The following WNT7B variants were observed in gnomAD, a reference collection of about 807,000 sequenced individuals.
WNT7B encodes Wnt family member 7B.
Under a neutral mutation model 38.2 loss-of-function variants are expected in WNT7B, and 19 were observed. That is an observed-to-expected ratio of 0.50 (90% confidence interval 0.35 to 0.73). WNT7B has a LOEUF of 0.73. WNT7B is among the 30% of genes least tolerant of loss of function. WNT7B has a pLI of 0.01. For missense variants in WNT7B, 423 were observed against 507.9 expected (o/e 0.83, Z 1.61); for synonymous variants, 243 against 209.3 (o/e 1.16, Z -1.39).
At chr22:45,956,904 G>A (rs550496890) in intron 1 of WNT7B, among the ~76,000 whole-genome samples, 31 of 151,980 alleles carry the variant, frequency 2.0e-4, no homozygotes, top group East Asian at 3.9e-4. Flanking sequence ...TCAGGAGATC[G>A]AGACCATCCT....
rs183845019 is a variant in WNT7B at position 45,937,244 on chromosome 22, A to G, written c.299-5875T>C. On this transcript the variant is annotated intron_variant, in intron 2 of 3. Coordinates refer to ENST00000339464, the MANE Select transcript of WNT7B (RefSeq NM_058238.3). ...ATCCAGGACATGAGGTTCTCAAGTG[A>G]CTGAGGTGAGGGCAAAGGTCTGGGG... Among the ~76,000 whole-genome samples, 278 of 152,304 alleles carry G rather than the reference A, an allele frequency of 1.8e-3. 8 individuals carry two copies. Among genetic ancestry groups the G allele is most frequent in the Non-Finnish European group, 2.8e-4 (19 of 68,014 alleles).
chr22:45,928,008 C>T (rs1173870357), intron 3 of WNT7B, among the ~76,000 whole-genome samples: 3 of 152,200 alleles, frequency 2.0e-5, no homozygotes, highest in Non-Finnish European at 4.4e-5. Context: ...CTGAGGAATG[C>T]TGCGAGAGCC....
At chr22:45,932,327 T>C (rs1275883573) in intron 2 of WNT7B, among the ~76,000 whole-genome samples, 1 of 152,152 alleles carries the variant, frequency 6.6e-6, no homozygotes, top group Non-Finnish European at 1.5e-5. Context: ...GTGGTCTTTT[T>C]GGTGGCATTC....
intron 2 of WNT7B, among the ~76,000 whole-genome samples, 180 bp from the exon 3 acceptor site, chr22:45,931,549 G>A (rs2063323719): frequency 1.3e-5 from 2 of 152,208 alleles, no homozygotes; most frequent in African/African-American, 4.8e-5. Flanking sequence ...CCATCTCTCA[G>A]GGCTATGGTA....
In WNT7B at chr22:45,920,733, TGAGGGA is replaced by T. The variant is rs1439133726; in HGVS notation, c.*2117_*2122del. On this transcript the variant is annotated 3_prime_UTR_variant, in exon 4 of 4. Transcript: ENST00000339464. Reference sequence around the variant, plus strand: ...ATGGGGGATGGGATGAGGGATGAGATGAGGGATGGGATGGGATGGGGGATGAGGGAT... The same window carrying T: ...ATGGGGGATGGGATGAGGGATGAGATTGGGATGGGATGGGGGATGAGGGAT... The T allele has an allele frequency of 1.4e-3, 65 of 45,294 alleles. No individual in the cohort carries two copies. Among genetic ancestry groups the T allele is most frequent in the South Asian group, 0.011 (12 of 1,120 alleles). The allele number at this position is 45,294 out of a possible 1,614,324, so 2.8% of individuals were successfully genotyped here.
intron 1 of WNT7B, among the ~76,000 whole-genome samples, chr22:45,969,675 G>T (rs1179430860): frequency 1.3e-5 from 2 of 152,220 alleles, no homozygotes; most frequent in African/African-American, 4.8e-5. Flanking sequence ...GCCCAGGCAT[G>T]CGTCTGGGAT....
chr22:45,973,018 C>T (rs906467390), intron 1 of WNT7B, among the ~76,000 whole-genome samples: 14 of 152,248 alleles, frequency 9.2e-5, no homozygotes, highest in Non-Finnish European at 8.8e-5. Flanking sequence ...CCATGGCTAA[C>T]CAGGCCCAGC....
chr22:45,927,608 G>C (rs1328849304), intron 3 of WNT7B: 2 of 913,032 alleles, frequency 2.2e-6, no homozygotes, highest in South Asian at 1.4e-5. Flanking sequence ...ATAAGAGATG[G>C]AACAGGGCCA....
At chr22:45,953,740 AGAAG>A (rs1395275412) in intron 1 of WNT7B, among the ~76,000 whole-genome samples, 1 of 119,240 alleles carries the variant, frequency 8.4e-6, no homozygotes, top group East Asian at 2.5e-4. Flanking sequence ...AAAAAAAAAA[AGAAG>A]AAGAAGAAGA....
At chr22:45,926,439 T>C (rs1931085557) in intron 3 of WNT7B, 1 of 985,362 alleles carries the variant, frequency 1.0e-6, no homozygotes. Flanking sequence ...GCCAATTCAA[T>C]GTTCTTTCCA....
At chr22:45,932,663 T>A (rs1224587029) in intron 2 of WNT7B, among the ~76,000 whole-genome samples, 5 of 152,210 alleles carry the variant, frequency 3.3e-5, no homozygotes, top group Admixed American at 3.3e-4. Context: ...GCTGAGTCCA[T>A]GTCATTTCTA....
rs889048382 is a variant in WNT7B, at chr22:45,922,452, A to T, written c.*404T>A. On this transcript the variant is annotated 3_prime_UTR_variant, in exon 4 of 4. Transcript: ENST00000339464. ...CTGGTCTGGAGAGGCCAGCCGGCGT[A>T]GCTTTTCTGTGTCCATGCCGCCAGG... 2.6e-5 allele frequency: 5 copies of T among 191,854 alleles called. No individual in the cohort carries two copies. The highest frequency in any genetic ancestry group is 1.2e-4 in the African/African-American group (5 of 42,868). 11.9% of individuals were successfully genotyped at this position (191,854 alleles called of 1,614,324 possible).
intron 2 of WNT7B, among the ~76,000 whole-genome samples, chr22:45,943,706 T>TC (rs1931726219): frequency 6.6e-6 from 1 of 152,194 alleles, no homozygotes; most frequent in Non-Finnish European, 1.5e-5. Flanking sequence ...CCACATGGTC[T>TC]CCTTGGGAGC....
intron 3 of WNT7B, chr22:45,926,336 C>T (rs532972115): frequency 8.3e-5 from 82 of 985,358 alleles, no homozygotes; most frequent in East Asian, 3.4e-4. Flanking sequence ...TGCAGGCTGC[C>T]GCAGGGGCCG....
intron 2 of WNT7B, among the ~76,000 whole-genome samples, chr22:45,940,488 C>T (rs757837605): frequency 1.3e-5 from 2 of 152,230 alleles, no homozygotes; most frequent in East Asian, 1.9e-4. Context: ...GTAACACTCA[C>T]GTTATTGCCA....
chr22:45,927,527 T>C, intron 3 of WNT7B: 1 of 1,527,388 alleles, frequency 6.5e-7, no homozygotes, highest in Non-Finnish European at 8.9e-7. Context: ...ACAGATGTGG[T>C]CAAGGAAACA....
chr22:45,938,248 G>A (rs1332419457), intron 2 of WNT7B, among the ~76,000 whole-genome samples: 2 of 152,148 alleles, frequency 1.3e-5, no homozygotes, highest in East Asian at 3.8e-4. Flanking sequence ...CTCACATGGA[G>A]GAGCGAAAAA....
At chr22:45,933,808 G>C (rs1931441368) in intron 2 of WNT7B, among the ~76,000 whole-genome samples, 1 of 152,214 alleles carries the variant, frequency 6.6e-6, no homozygotes, top group Admixed American at 6.5e-5. Flanking sequence ...TGGGCACACA[G>C]AGGCAAAGAT....
At chr22:45,961,913 C>T (rs1039824741) in intron 1 of WNT7B, among the ~76,000 whole-genome samples, 1 of 152,160 alleles carries the variant, frequency 6.6e-6, no homozygotes, top group Non-Finnish European at 1.5e-5. Context: ...AACTGGCCTG[C>T]TGGTGGGTGG....
Sources: allele counts gnomAD v4.1 joint callset (sites outside exome capture counted in the v4.1 genomes callset), GRCh38; gene constraint gnomAD v4.1.1; transcripts MANE v1.5; gene names NCBI Gene and HGNC (gene_info 2026-07-23, HGNC 2026-07-21).